Variants in HPSE2 observed in about 807,000 individuals in gnomAD.
HPSE2 encodes heparanase 2 (inactive).
HPSE2 carries 38 observed loss-of-function variants against 60.5 expected under a neutral mutation model. The observed-to-expected ratio is 0.63, with a 90% confidence interval of 0.48 to 0.82. HPSE2 has a LOEUF of 0.82. Among genes scored for constraint, HPSE2 ranks in the 40% least tolerant of loss-of-function variants. The pLI is 0.00. For missense variants in HPSE2, 713 were observed against 740.4 expected (o/e 0.96, Z 0.43); for synonymous variants, 295 against 293.2 (o/e 1.01, Z -0.06).
At chr10:99,221,633 G>C (rs566719389) in intron 2 of HPSE2, among the ~76,000 whole-genome samples, 4 of 152,280 alleles carry the variant, frequency 2.6e-5, no homozygotes, top group African/African-American at 9.6e-5. Context: ...ACTTGAGCAG[G>C]GCTTTGAAAA....
chr10:98,833,990 T>A (rs1281332129), intron 3 of HPSE2, among the ~76,000 whole-genome samples: 1 of 152,128 alleles, frequency 6.6e-6, no homozygotes, highest in East Asian at 1.9e-4. Context: ...ACCCTTAAAA[T>A]TTTAAAGGTA....
In HPSE2 at chr10:99,072,927, C is replaced by CA. The variant is rs770699941; in HGVS notation, c.610+71310dup. On this transcript the variant is annotated intron_variant, in intron 3 of 11. Coordinates refer to ENST00000370552, the MANE Select transcript of HPSE2 (RefSeq NM_021828.5). ...CTGGTGACAGAGCCAGGCTCCGTCTCAAAAAAAAAAAAAAAAAAAAAAAAA... is the reference window on the plus strand; with the variant it reads ...CTGGTGACAGAGCCAGGCTCCGTCTCAAAAAAAAAAAAAAAAAAAAAAAAAA... 2.1e-3 allele frequency among the ~76,000 whole-genome samples: 188 copies of CA among 88,018 alleles called. 24 individuals carry two copies. The highest frequency in any genetic ancestry group is 4.3e-3 in the African/African-American group (67 of 15,558). 57.7% of individuals were successfully genotyped at this position (88,018 alleles called of 152,430 possible).
intron 9 of HPSE2, among the ~76,000 whole-genome samples, chr10:98,529,177 CTTAAA>C (rs936875832): frequency 6.6e-6 from 1 of 152,238 alleles, no homozygotes; most frequent in African/African-American, 2.4e-5. Flanking sequence ...TATTTTCTCT[CTTAAA>C]TTGAATTAAG....
At chr10:98,647,280 C>CA (rs1946795782) in intron 6 of HPSE2, among the ~76,000 whole-genome samples, 1 of 152,198 alleles carries the variant, frequency 6.6e-6, no homozygotes, top group South Asian at 2.1e-4. Flanking sequence ...GCCCATTAGG[C>CA]TTTTAAAACA....
At chr10:98,937,220 G>A (rs1281113827) in intron 3 of HPSE2, among the ~76,000 whole-genome samples, 1 of 143,836 alleles carries the variant, frequency 7.0e-6, no homozygotes, top group Non-Finnish European at 1.5e-5. Flanking sequence ...ACTAGGGAGT[G>A]CCAGACAGTG....
At chr10:98,777,663 C>A (rs1469984533) in intron 3 of HPSE2, among the ~76,000 whole-genome samples, 1 of 152,084 alleles carries the variant, frequency 6.6e-6, no homozygotes, top group Non-Finnish European at 1.5e-5. Flanking sequence ...TATAACAAAA[C>A]AATTTTTAAA....
At chr10:98,640,989 G>A (rs1442999637) in intron 7 of HPSE2, among the ~76,000 whole-genome samples, 1 of 152,166 alleles carries the variant, frequency 6.6e-6, no homozygotes, top group Non-Finnish European at 1.5e-5. Flanking sequence ...ACTCAAGTCT[G>A]AGAATCACTG....
chr10:98,898,557 C>G (rs1953565713), intron 3 of HPSE2, among the ~76,000 whole-genome samples: 2 of 151,992 alleles, frequency 1.3e-5, no homozygotes, highest in Admixed American at 1.3e-4. Flanking sequence ...ATCAGTGTTT[C>G]TAGGGGCTCA....
chr10:99,262,711 A>G, the HPSE2 span, among the ~76,000 whole-genome samples: 1 of 152,182 alleles, frequency 6.6e-6, no homozygotes, highest in Non-Finnish European at 1.5e-5. Context: ...CAAGTCTTAT[A>G]GGTTGGTTCA....
intron 3 of HPSE2, among the ~76,000 whole-genome samples, chr10:98,882,948 C>A (rs773284350): frequency 6.6e-6 from 1 of 152,060 alleles, no homozygotes; most frequent in Non-Finnish European, 1.5e-5. Flanking sequence ...AAGATTTGAA[C>A]CTTCAGAGTA....
chr10:98,903,186 T>A (rs1020919517), intron 3 of HPSE2, among the ~76,000 whole-genome samples: 8 of 152,114 alleles, frequency 5.3e-5, no homozygotes, highest in Admixed American at 5.2e-4. Context: ...TTACATATTA[T>A]ATTATTTCAT....
At chr10:98,614,035 C>CGCTCTTG (rs1316865774) in intron 9 of HPSE2, among the ~76,000 whole-genome samples, 2 of 152,140 alleles carry the variant, frequency 1.3e-5, no homozygotes, top group Non-Finnish European at 2.9e-5. Flanking sequence ...GATAAGTTGA[C>CGCTCTTG]GCTCTTGGTA....
intron 5 of HPSE2, among the ~76,000 whole-genome samples, chr10:98,721,216 G>T (rs1052592876): frequency 6.6e-6 from 1 of 152,086 alleles, no homozygotes; most frequent in Non-Finnish European, 1.5e-5. Flanking sequence ...GGCCTATTAA[G>T]ACCTTTAATC....
intron 3 of HPSE2, among the ~76,000 whole-genome samples, chr10:99,103,251 A>T (rs1449628919): frequency 2.6e-5 from 4 of 152,220 alleles, no homozygotes; most frequent in Non-Finnish European, 4.4e-5. Context: ...CTCAGCCAAA[A>T]ATCTCCTTAA....
intron 3 of HPSE2, among the ~76,000 whole-genome samples, chr10:98,917,903 T>A (rs1199624281): frequency 6.6e-6 from 1 of 152,174 alleles, no homozygotes; most frequent in African/African-American, 2.4e-5. Flanking sequence ...ATCATTACAG[T>A]TTTCTACAGA....
the HPSE2 span, among the ~76,000 whole-genome samples, chr10:99,274,658 G>C: frequency 3.3e-5 from 5 of 152,118 alleles, no homozygotes; most frequent in Non-Finnish European, 7.3e-5. Flanking sequence ...ACAAAAAAGA[G>C]AGAGAACATT....
intron 5 of HPSE2, among the ~76,000 whole-genome samples, chr10:98,706,635 A>T (rs79519742): frequency 0.02 from 2,982 of 152,316 alleles, 55 homozygotes; most frequent in Non-Finnish European, 0.028. Flanking sequence ...ACAATGTTGA[A>T]TATGAGATTG....
At chr10:98,813,768 A>G (rs1010329152) in intron 3 of HPSE2, among the ~76,000 whole-genome samples, 1 of 152,154 alleles carries the variant, frequency 6.6e-6, no homozygotes, top group South Asian at 2.1e-4. Context: ...TATGTTCATC[A>G]TATCTTTAAA....
chr10:99,053,028 A>G lies in HPSE2; in HGVS notation c.610+91210T>C, dbSNP rs542864143. Among the ~76,000 whole-genome samples the G allele has an allele frequency of 4.9e-5, 6 of 122,756 alleles. No homozygotes were observed. In the South Asian group the frequency reaches 1.2e-3, roughly 25 times the overall value. 80.5% of individuals were successfully genotyped at this position (122,756 alleles called of 152,430 possible). Reference sequence around the variant, plus strand: ...TAACAGATGGTATTTTCCATCTTTTATTAATTTCTTGAAAAAAAAACAAAC... The same window carrying G: ...TAACAGATGGTATTTTCCATCTTTTGTTAATTTCTTGAAAAAAAAACAAAC... On this transcript the variant is annotated intron_variant, in intron 3 of 11. Coordinates refer to ENST00000370552, the MANE Select transcript of HPSE2 (RefSeq NM_021828.5).
Sources: allele counts gnomAD v4.1 joint callset (sites outside exome capture counted in the v4.1 genomes callset), GRCh38; gene constraint gnomAD v4.1.1; transcripts MANE v1.5; gene names NCBI Gene and HGNC (gene_info 2026-07-23, HGNC 2026-07-21).